Variants in ETS1 observed in about 807,000 individuals in gnomAD.
The protein encoded by ETS1 is protein C-ets-1.
In ETS1, 15 loss-of-function variants were observed where a neutral mutation model predicts 58.6. That is an observed-to-expected ratio of 0.26 (90% CI 0.17 to 0.39). The LOEUF is 0.39. ETS1 is among the 10% of genes least tolerant of loss of function. The pLI is 1.00. For missense variants in ETS1, 417 were observed against 610.5 expected, an observed-to-expected ratio of 0.68 and a Z score of 3.34; for synonymous variants, 214 against 218.2, an observed-to-expected ratio of 0.98 and a Z score of 0.17.
chr11:128,574,379 AGG>A, intron 1 of ETS1, among the ~76,000 whole-genome samples: 1 of 152,312 alleles, frequency 6.6e-6, no homozygotes, highest in African/African-American at 2.4e-5. Context: ...AAATTAACTA[AGG>A]GTCTGAATAG....
At chr11:128,553,895 G>A (rs961043150) in intron 3 of ETS1, among the ~76,000 whole-genome samples, 3 of 152,056 alleles carry the variant, frequency 2.0e-5, no homozygotes, top group African/African-American at 4.8e-5. Flanking sequence ...GCCATGAGAC[G>A]GAGGACGGGA....
chr11:128,472,739 C>G (rs1415276522), intron 8 of ETS1, among the ~76,000 whole-genome samples: 1 of 152,156 alleles, frequency 6.6e-6, no homozygotes, highest in African/African-American at 2.4e-5. Flanking sequence ...CTGGGCCCAG[C>G]CAAAGTTTTC....
chr11:128,581,557 CA>C (rs1198265615), intron 1 of ETS1, among the ~76,000 whole-genome samples: 1 of 151,842 alleles, frequency 6.6e-6, no homozygotes, highest in African/African-American at 2.4e-5. Flanking sequence ...CTTCGAACCT[CA>C]AAACAAAAAA....
At chr11:128,538,365 T>C (rs1218590581) in intron 3 of ETS1, among the ~76,000 whole-genome samples, 1 of 152,208 alleles carries the variant, frequency 6.6e-6, no homozygotes, top group Non-Finnish European at 1.5e-5. Flanking sequence ...CCATTTAGCA[T>C]AACTAGATTT....
rs536477309 is a variant in ETS1 at position 128,507,705 on chromosome 11, G to A, written c.215-17129C>T. 5.0e-4 allele frequency among the ~76,000 whole-genome samples: 76 copies of A among 152,292 alleles called. 4 individuals carry two copies. In the South Asian group the frequency reaches 0.015, roughly 31 times the overall value. On this transcript the variant is annotated intron_variant, in intron 3 of 9. Transcript: ENST00000392668. ...CATCTGTGGCAAAGAAGGAAAGGTC[G>A]GTGGGCTTTTTCTGTCTTGAATCTT...
At chr11:128,536,041 C>T (rs1863968248) in intron 3 of ETS1, among the ~76,000 whole-genome samples, 1 of 152,236 alleles carries the variant, frequency 6.6e-6, no homozygotes, top group African/African-American at 2.4e-5. Context: ...TAGACTCTGG[C>T]TGGCAGTAAG....
At chr11:128,502,000 T>G (rs1302771423) in intron 3 of ETS1, among the ~76,000 whole-genome samples, 3 of 149,668 alleles carry the variant, frequency 2.0e-5, no homozygotes, top group Non-Finnish European at 3.0e-5. Flanking sequence ...AGAAAGGGGG[T>G]GGGGTGGAGA....
chr11:128,497,375 A>C (rs774299111), intron 3 of ETS1, among the ~76,000 whole-genome samples: 3 of 152,206 alleles, frequency 2.0e-5, no homozygotes, highest in African/African-American at 4.8e-5. Context: ...GGCAGCTCCA[A>C]ATTGCATGGA....
intron 2 of ETS1, among the ~76,000 whole-genome samples, chr11:128,566,610 C>T (rs1006588356): frequency 9.9e-5 from 15 of 152,014 alleles, no homozygotes; most frequent in East Asian, 7.7e-4. Flanking sequence ...AGTGAAACCC[C>T]GTCTCTACTA....
intron 3 of ETS1, among the ~76,000 whole-genome samples, chr11:128,550,969 G>A (rs767207166): frequency 9.2e-5 from 14 of 152,112 alleles, no homozygotes; most frequent in African/African-American, 1.9e-4. Context: ...AAGAAGAACC[G>A]TCCAGCCTTT....
intron 1 of ETS1, among the ~76,000 whole-genome samples, chr11:128,577,191 T>G (rs1479278046): frequency 6.6e-6 from 1 of 152,132 alleles, no homozygotes; most frequent in Non-Finnish European, 1.5e-5. Flanking sequence ...ATGTAAGAGG[T>G]AGATCAGATG....
chr11:128,552,800 G>A (rs1032557138), intron 3 of ETS1, among the ~76,000 whole-genome samples: 3 of 152,166 alleles, frequency 2.0e-5, no homozygotes, highest in Admixed American at 2.0e-4. Context: ...CTTCAGCTAG[G>A]TCTAGGCACC....
Position 128,567,611 on chromosome 11 carries a change from G to GTTTTGTTTTTGTTTTTGT in ETS1, c.69+5433_69+5450dup, listed in dbSNP as rs5795622. Among the ~76,000 whole-genome samples, 375 of 147,628 alleles carry GTTTTGTTTTTGTTTTTGT rather than the reference G, an allele frequency of 2.5e-3. 1 individual carries two copies. The highest frequency in any genetic ancestry group is 3.7e-3 in the African/African-American group (147 of 39,896). ...GAGTGGCAAGTTTTTTGTTTTTTGG[G>GTTTTGTTTTTGTTTTTGT]TTTTGTTTTTGTTTTTGTTTTTGTT... On this transcript the variant is annotated intron_variant, in intron 2 of 9. Transcript: ENST00000392668.
chr11:128,574,089 T>A (rs1046851367), intron 1 of ETS1, among the ~76,000 whole-genome samples: 1 of 152,262 alleles, frequency 6.6e-6, no homozygotes, highest in African/African-American at 2.4e-5. Flanking sequence ...TATGTTCAAT[T>A]TGCAGTTTGG....
At chr11:128,560,136 A>G (rs926601888) in intron 2 of ETS1, among the ~76,000 whole-genome samples, 6 of 151,370 alleles carry the variant, frequency 4.0e-5, no homozygotes, top group South Asian at 2.1e-4. Context: ...CTTTTGAGAT[A>G]GAGTCTCACT....
At chr11:128,510,131 G>A (rs1863352928) in intron 3 of ETS1, among the ~76,000 whole-genome samples, 2 of 152,120 alleles carry the variant, frequency 1.3e-5, no homozygotes, top group Admixed American at 6.5e-5. Context: ...TGCATTTCCT[G>A]TACACATACA....
At chr11:128,527,465 T>G (rs1863821153) in intron 3 of ETS1, 1 of 157,084 alleles carries the variant, frequency 6.4e-6, no homozygotes, top group African/African-American at 2.4e-5. Flanking sequence ...TCATCCACAC[T>G]CAGTGTTGTG....
intron 5 of ETS1, among the ~76,000 whole-genome samples, chr11:128,488,758 C>A (rs1344252056): frequency 6.6e-6 from 1 of 152,088 alleles, no homozygotes; most frequent in Non-Finnish European, 1.5e-5. Flanking sequence ...CCTGATATAA[C>A]CCCAGTTCCT....
intron 8 of ETS1, among the ~76,000 whole-genome samples, chr11:128,466,129 A>C (rs1333955386): frequency 6.6e-6 from 1 of 152,156 alleles, no homozygotes; most frequent in Non-Finnish European, 1.5e-5. Context: ...CAGTCATCCG[A>C]CCACCAGTGG....
Sources: allele counts gnomAD v4.1 joint callset (sites outside exome capture counted in the v4.1 genomes callset), GRCh38; gene constraint gnomAD v4.1.1; transcripts MANE v1.5; gene names NCBI Gene and HGNC (gene_info 2026-07-23, HGNC 2026-07-21).